LINGO2: variants seen among roughly 807,000 people sequenced by gnomAD.
LINGO2 encodes leucine rich repeat and Ig domain containing 2, also known as leucine-rich repeat and immunoglobulin-like domain-containing nogo receptor-interacting protein 2.
Under a neutral mutation model 30.6 loss-of-function variants are expected in LINGO2, and 14 were observed. The observed-to-expected ratio is 0.46, with a 90% confidence interval of 0.30 to 0.72. LINGO2 has a LOEUF of 0.72. Ranked by LOEUF, LINGO2 falls within the 30% of genes least tolerant of loss-of-function variation. LINGO2 has a pLI of 0.07. For missense variants in LINGO2, 729 were observed against 751.7 expected, an observed-to-expected ratio of 0.97 and a Z score of 0.35; for synonymous variants, 317 against 288.5, an observed-to-expected ratio of 1.10 and a Z score of -1.00.
At chr9:28,501,955 C>G (rs556160250) in intron 1 of LINGO2, among the ~76,000 whole-genome samples, 45 of 144,270 alleles carry the variant, frequency 3.1e-4, no homozygotes, top group African/African-American at 1.1e-3. Context: ...TTGGCAAAAA[C>G]AGAAAGAGAG....
chr9:28,558,002 G>T lies in LINGO2; in HGVS notation c.-364-81977C>A, dbSNP rs1267484354. Among the ~76,000 whole-genome samples the T allele has an allele frequency of 2.1e-3, 251 of 117,952 alleles. 5 individuals are homozygous for T. The highest frequency in any genetic ancestry group is 7.3e-3 in the African/African-American group (228 of 31,204). 77.4% of individuals were successfully genotyped at this position (117,952 alleles called of 152,430 possible). ...CACACTCTGGGGACTGTGGTGGGGT[G>T]GGGGGAGGGGGGAGGGATAGCATTG... On this transcript the variant is annotated intron_variant, in intron 1 of 5. Transcript: ENST00000379992.
intron 1 of LINGO2, among the ~76,000 whole-genome samples, chr9:28,483,168 T>C (rs1826042399): frequency 6.6e-6 from 1 of 152,106 alleles, no homozygotes; most frequent in Admixed American, 6.6e-5. Context: ...TTTGTTAGCA[T>C]TCAGATTGTT....
In LINGO2 at chr9:28,510,299, G is replaced by A. The variant is rs184217996; in HGVS notation, c.-364-34274C>T. ...ACTACTAATAGCCTTCTGTTGACTGGAAGCCTTACTGATAATACATACAGT... is the reference window on the plus strand; with the variant it reads ...ACTACTAATAGCCTTCTGTTGACTGAAAGCCTTACTGATAATACATACAGT... On this transcript the variant is annotated intron_variant, in intron 1 of 5. Coordinates refer to ENST00000379992, the Ensembl canonical transcript of LINGO2. Among the ~76,000 whole-genome samples the A allele has an allele frequency of 1.9e-3, 285 of 152,124 alleles. 1 individual carries two copies. Among genetic ancestry groups the A allele is most frequent in the Middle Eastern group, 6.8e-3 (2 of 294 alleles).
chr9:28,139,001 G>A (rs1262219748), intron 4 of LINGO2, among the ~76,000 whole-genome samples: 1 of 152,200 alleles, frequency 6.6e-6, no homozygotes, highest in Non-Finnish European at 1.5e-5. Flanking sequence ...CTATCAGTAA[G>A]TCTCAAAAAG....
At chr9:28,248,144 A>G (rs748589014) in intron 4 of LINGO2, among the ~76,000 whole-genome samples, 7 of 152,204 alleles carry the variant, frequency 4.6e-5, no homozygotes, top group Non-Finnish European at 7.3e-5. Flanking sequence ...TATCAAAGGG[A>G]TATTTGCCCT....
the LINGO2 span, among the ~76,000 whole-genome samples, chr9:28,747,068 G>A: frequency 6.6e-5 from 10 of 151,986 alleles, no homozygotes; most frequent in East Asian, 1.8e-3. Flanking sequence ...ATGAGAACAG[G>A]CATTCCTGTT....
At chr9:28,988,673 T>A in the LINGO2 span, among the ~76,000 whole-genome samples, 1 of 152,186 alleles carries the variant, frequency 6.6e-6, no homozygotes, top group African/African-American at 2.4e-5. Context: ...ACGGGCTTCT[T>A]GGGAAGCATC....
At chr9:29,047,283 C>A in the LINGO2 span, among the ~76,000 whole-genome samples, 1 of 151,896 alleles carries the variant, frequency 6.6e-6, no homozygotes, top group Non-Finnish European at 1.5e-5. Context: ...ATACATGCAG[C>A]AAACAATCAT....
the LINGO2 span, among the ~76,000 whole-genome samples, chr9:28,678,682 G>C: frequency 1.3e-5 from 2 of 152,136 alleles, no homozygotes; most frequent in South Asian, 2.1e-4. Flanking sequence ...CTCAGAACAG[G>C]GCTTTGCACA....
the LINGO2 span, among the ~76,000 whole-genome samples, chr9:28,799,919 G>A: frequency 1.3e-5 from 2 of 152,064 alleles, no homozygotes; most frequent in Non-Finnish European, 2.9e-5. Context: ...TATAGTGTAA[G>A]CTGATGAGGA....
At chr9:29,013,389 A>AG in the LINGO2 span, among the ~76,000 whole-genome samples, 4 of 79,002 alleles carry the variant, frequency 5.1e-5, no homozygotes, top group Non-Finnish European at 1.0e-4. Context: ...TTTTATTATG[A>AG]GTTTTTTTTT....
At chr9:28,364,449 G>A (rs1820580645) in intron 3 of LINGO2, among the ~76,000 whole-genome samples, 2 of 152,014 alleles carry the variant, frequency 1.3e-5, no homozygotes, top group African/African-American at 2.4e-5. Flanking sequence ...CACTTTTGGC[G>A]GTCTTCAGAA....
rs142252744 is a variant in LINGO2 at position 28,039,601 on chromosome 9, T to A, written c.-86-27196A>T. On this transcript the variant is annotated intron_variant, in intron 4 of 5. Coordinates refer to ENST00000379992, the Ensembl canonical transcript of LINGO2. Reference sequence around the variant, plus strand: ...GTACATGTAAGTCTTTTGGACTCTGTATATAAACAGTATTACATCTGGGTG... The same window carrying A: ...GTACATGTAAGTCTTTTGGACTCTGAATATAAACAGTATTACATCTGGGTG... 2.0e-3 allele frequency among the ~76,000 whole-genome samples: 297 copies of A among 152,248 alleles called. 1 individual carries two copies. The highest frequency in any genetic ancestry group is 6.8e-3 in the Middle Eastern group (2 of 292).
intron 5 of LINGO2, among the ~76,000 whole-genome samples, chr9:28,007,899 T>C (rs1822345930): frequency 6.6e-6 from 1 of 152,176 alleles, no homozygotes. Flanking sequence ...TACCACGGTG[T>C]CACTCAAACA....
At chr9:28,881,029 A>G in the LINGO2 span, among the ~76,000 whole-genome samples, 9 of 152,206 alleles carry the variant, frequency 5.9e-5, no homozygotes, top group East Asian at 1.2e-3. Flanking sequence ...AAATAATGAA[A>G]ATAATAATCA....
the LINGO2 span, among the ~76,000 whole-genome samples, chr9:29,048,480 T>G: frequency 6.6e-6 from 1 of 151,746 alleles, no homozygotes; most frequent in Non-Finnish European, 1.5e-5. Context: ...ATCCTAAAAT[T>G]TATATGGACC....
intron 3 of LINGO2, among the ~76,000 whole-genome samples, chr9:28,356,951 G>A (rs1820232112): frequency 6.6e-6 from 1 of 151,762 alleles, no homozygotes. Flanking sequence ...AATTTTAAAG[G>A]GCTACACACT....
the LINGO2 span, among the ~76,000 whole-genome samples, chr9:29,001,123 G>A: frequency 6.6e-6 from 1 of 151,848 alleles, no homozygotes; most frequent in Admixed American, 6.6e-5. Flanking sequence ...GAGAGAGAGA[G>A]AAGTAGACTG....
chr9:27,966,861 C>T (rs183938960), intron 5 of LINGO2, among the ~76,000 whole-genome samples: 17 of 152,214 alleles, frequency 1.1e-4, no homozygotes, highest in African/African-American at 2.6e-4. Context: ...CGTGTGCCTA[C>T]GGAGAACAAC....
Sources: gnomAD v4.1 joint callset for allele counts (sites outside exome capture counted in the v4.1 genomes callset) on GRCh38, gnomAD v4.1.1 for gene constraint, MANE v1.5 for transcripts, NCBI Gene and HGNC (gene_info 2026-07-23, HGNC 2026-07-21) for gene names.